The following MSI2 variants were observed in gnomAD, a reference collection of about 807,000 sequenced individuals.
MSI2 encodes RNA-binding protein Musashi homolog 2.
In MSI2, 17 loss-of-function variants were observed where a neutral mutation model predicts 45.6. That is an observed-to-expected ratio of 0.37 (90% CI 0.26 to 0.56). The LOEUF (loss-of-function observed/expected upper bound fraction) is 0.56. Among genes scored for constraint, MSI2 ranks in the 20% least tolerant of loss-of-function variants. The pLI is 0.77. For synonymous variants in MSI2, 156 were observed against 158.2 expected (o/e 0.99, Z 0.11); for missense variants, 293 against 444.2 (o/e 0.66, Z 3.06).
At chr17:57,316,940 A>G (rs1020495171) in intron 5 of MSI2, among the ~76,000 whole-genome samples, 4 of 110,056 alleles carry the variant, frequency 3.6e-5, no homozygotes, top group Non-Finnish European at 6.5e-5. Context: ...TTGAGGCAGG[A>G]AAAAAAAAAA....
At chr17:57,509,403 T>C (rs1286956037) in intron 6 of MSI2, among the ~76,000 whole-genome samples, 2 of 152,100 alleles carry the variant, frequency 1.3e-5, no homozygotes, top group East Asian at 3.9e-4. Flanking sequence ...TCTGGCGTCA[T>C]CTTGGTTGCT....
intron 5 of MSI2, among the ~76,000 whole-genome samples, chr17:57,344,741 A>G (rs1486226090): frequency 6.6e-6 from 1 of 152,194 alleles, no homozygotes; most frequent in Non-Finnish European, 1.5e-5. Flanking sequence ...AGTTTGCTCA[A>G]TCCACACTTA....
chr17:57,647,616 C>T (rs1744881998), intron 10 of MSI2, among the ~76,000 whole-genome samples: 1 of 151,978 alleles, frequency 6.6e-6, no homozygotes, highest in Non-Finnish European at 1.5e-5. Context: ...TAGGCCTCAT[C>T]ACAATGGCAG....
intron 6 of MSI2, among the ~76,000 whole-genome samples, chr17:57,435,901 T>C (rs1293482824): frequency 6.6e-6 from 1 of 152,156 alleles, no homozygotes; most frequent in Non-Finnish European, 1.5e-5. Flanking sequence ...AATAGGAGAC[T>C]TGGGGGATTT....
At chr17:57,270,293 A>T (rs1908238727) in intron 5 of MSI2, among the ~76,000 whole-genome samples, 1 of 152,190 alleles carries the variant, frequency 6.6e-6, no homozygotes, top group Non-Finnish European at 1.5e-5. Flanking sequence ...CAGTGGGTAA[A>T]CTGGGGCCTG....
intron 6 of MSI2, among the ~76,000 whole-genome samples, chr17:57,499,375 T>TAAA (rs55797448): frequency 0.034 from 4,220 of 125,732 alleles, 150 homozygotes; most frequent in African/African-American, 0.055. Context: ...GATTCTGTCT[T>TAAA]AAAAAAAAAA....
At chr17:57,568,232 A>G (rs943457842) in intron 7 of MSI2, among the ~76,000 whole-genome samples, 34 of 152,154 alleles carry the variant, frequency 2.2e-4, no homozygotes, top group African/African-American at 7.0e-4. Context: ...CATATAGAAA[A>G]TGAAAGATGC....
At chr17:57,412,536 T>C (rs992743717) in intron 6 of MSI2, among the ~76,000 whole-genome samples, 1 of 152,166 alleles carries the variant, frequency 6.6e-6, no homozygotes, top group Non-Finnish European at 1.5e-5. Context: ...GTTGAGAATC[T>C]CTATTGTTTA....
rs538548233 is a variant in MSI2, at chr17:57,275,457, A to G, written c.312+13265A>G. 1.1e-4 allele frequency among the ~76,000 whole-genome samples: 17 copies of G among 152,234 alleles called. No individual in the cohort carries two copies. In the South Asian group the frequency reaches 1.4e-3, roughly 13 times the overall value. On this transcript the variant is annotated intron_variant, in intron 5 of 13. Coordinates refer to ENST00000284073, the MANE Select transcript of MSI2 (RefSeq NM_138962.4). ...ATAGTAGGTTTTGATCTACAAACCC[A>G]TGAGCCCTGTCCTGTGAGTGGGAAG...
At chr17:57,560,793 G>A (rs373745023) in intron 7 of MSI2, among the ~76,000 whole-genome samples, 4 of 152,238 alleles carry the variant, frequency 2.6e-5, no homozygotes, top group African/African-American at 7.2e-5. Context: ...CAGTAAAGGC[G>A]GTGGTTGCCA....
chr17:57,476,192 A>G (rs2085533808), intron 6 of MSI2, among the ~76,000 whole-genome samples: 1 of 152,188 alleles, frequency 6.6e-6, no homozygotes, highest in South Asian at 2.1e-4. Flanking sequence ...GCTGATTTAC[A>G]TCAGCAGCTC....
chr17:57,331,160 C>T (rs954735231), intron 5 of MSI2, among the ~76,000 whole-genome samples: 5 of 151,920 alleles, frequency 3.3e-5, no homozygotes, highest in East Asian at 1.9e-4. Context: ...GTGATCCACC[C>T]GCCTCGGCCT....
At chr17:57,423,159 C>T (rs1367857937) in intron 6 of MSI2, among the ~76,000 whole-genome samples, 1 of 152,080 alleles carries the variant, frequency 6.6e-6, no homozygotes, top group East Asian at 1.9e-4. Context: ...TTTTGTGATG[C>T]ATATCAAAAT....
chr17:57,595,519 G>T (rs1010832309), intron 7 of MSI2, among the ~76,000 whole-genome samples: 7 of 152,086 alleles, frequency 4.6e-5, no homozygotes, highest in Admixed American at 1.3e-4. Flanking sequence ...GGTCATTTCT[G>T]GGAGGGCCCC....
At chr17:57,521,414 G>C in intron 6 of MSI2, among the ~76,000 whole-genome samples, 1 of 132,444 alleles carries the variant, frequency 7.6e-6, no homozygotes, top group African/African-American at 3.4e-5. Context: ...TGGTGGTGAT[G>C]GGAAAAAAAA....
intron 6 of MSI2, among the ~76,000 whole-genome samples, chr17:57,465,294 T>C (rs1158529882): frequency 6.6e-6 from 1 of 151,904 alleles, no homozygotes; most frequent in Non-Finnish European, 1.5e-5. Flanking sequence ...AAACCCCATC[T>C]CTACTTAAAG....
intron 6 of MSI2, among the ~76,000 whole-genome samples, chr17:57,427,832 T>C (rs1314980179): frequency 2.0e-5 from 3 of 152,170 alleles, no homozygotes; most frequent in Non-Finnish European, 4.4e-5. Flanking sequence ...AAAAATCTGC[T>C]TCCCTGCTTA....
chr17:57,565,200 G>A (rs1157298364), intron 7 of MSI2, among the ~76,000 whole-genome samples: 1 of 152,184 alleles, frequency 6.6e-6, no homozygotes, highest in East Asian at 1.9e-4. Context: ...ACAATCCACA[G>A]TGCCTGGCAC....
intron 6 of MSI2, among the ~76,000 whole-genome samples, chr17:57,416,396 C>T (rs1159154334): frequency 6.6e-6 from 1 of 152,160 alleles, no homozygotes; most frequent in African/African-American, 2.4e-5. Context: ...ATATTTCTTG[C>T]ATATGACTTG....
Sources: allele counts gnomAD v4.1 joint callset (sites outside exome capture counted in the v4.1 genomes callset), GRCh38; gene constraint gnomAD v4.1.1; transcripts MANE v1.5; gene names NCBI Gene and HGNC (gene_info 2026-07-23, HGNC 2026-07-21).